WNT7B: variants seen among roughly 807,000 people sequenced by gnomAD.
WNT7B encodes protein Wnt-7b.
WNT7B carries 19 observed loss-of-function variants against 38.2 expected under a neutral mutation model. The observed-to-expected ratio is 0.50, with a 90% CI of 0.35 to 0.73. The LOEUF is 0.73. Ranked by LOEUF, WNT7B falls within the 30% of genes least tolerant of loss-of-function variation. The pLI is 0.01. For missense variants in WNT7B, 423 were observed against 507.9 expected (o/e 0.83, Z 1.61); for synonymous variants, 243 against 209.3 (o/e 1.16, Z -1.39).
At chr22:45,952,673 G>C (rs937206264) in intron 1 of WNT7B, among the ~76,000 whole-genome samples, 1 of 152,232 alleles carries the variant, frequency 6.6e-6, no homozygotes, top group Non-Finnish European at 1.5e-5. Flanking sequence ...CATTATCTGC[G>C]GTAGGTGCCC....
chr22:45,928,223 C>T (rs987932938), intron 3 of WNT7B, among the ~76,000 whole-genome samples: 2 of 152,154 alleles, frequency 1.3e-5, no homozygotes, highest in African/African-American at 4.8e-5. Flanking sequence ...GGGGCAGGGG[C>T]AGGCCTGGTA....
At chr22:45,947,998 A>G (rs891363396) in intron 2 of WNT7B, among the ~76,000 whole-genome samples, 1 of 152,082 alleles carries the variant, frequency 6.6e-6, no homozygotes, top group Admixed American at 6.5e-5. Flanking sequence ...CCCATGTCTC[A>G]TGGTCCCAAA....
intron 1 of WNT7B, among the ~76,000 whole-genome samples, chr22:45,959,819 A>G (rs1218382174): frequency 6.6e-6 from 1 of 152,032 alleles, no homozygotes; most frequent in Non-Finnish European, 1.5e-5. Context: ...CACTGAAAGC[A>G]TTCCCCAGAA....
chr22:45,956,623 G>A (rs1185537494), intron 1 of WNT7B, among the ~76,000 whole-genome samples: 1 of 152,246 alleles, frequency 6.6e-6, no homozygotes, highest in Non-Finnish European at 1.5e-5. Flanking sequence ...ATACGCACAT[G>A]GGTCTATAGC....
Position 45,922,620 on chromosome 22 carries a change from G to A in WNT7B, c.*236C>T. 1 of 619,726 alleles carries A rather than the reference G, an allele frequency of 1.6e-6. No homozygotes were observed. Among genetic ancestry groups the A allele is most frequent in the Non-Finnish European group, 2.7e-6 (1 of 369,352 alleles). The allele number at this position is 619,726 out of a possible 1,614,324, so 38.4% of individuals were successfully genotyped here. ...CAAGACCCCTGGCCTTGCTCTCTGG[G>A]TGGGTCACGGGTGCTGTTCTGCCGC... On this transcript the variant is annotated 3_prime_UTR_variant, in exon 4 of 4. Coordinates refer to ENST00000339464, the MANE Select transcript of WNT7B (RefSeq NM_058238.3).
intron 1 of WNT7B, among the ~76,000 whole-genome samples, chr22:45,974,237 G>C (rs1463042995): frequency 1.3e-5 from 2 of 152,188 alleles, no homozygotes. Flanking sequence ...GGGAGGCTGA[G>C]AGGTTAAAGG....
intron 2 of WNT7B, among the ~76,000 whole-genome samples, chr22:45,932,411 C>G (rs1415681182): frequency 2.1e-5 from 3 of 143,326 alleles, no homozygotes; most frequent in African/African-American, 8.4e-5. Flanking sequence ...AGGCAGCCTT[C>G]CCAGACCCCC....
chr22:45,931,110 C>A lies in WNT7B; in HGVS notation c.558G>T (p.Glu186Asp). The A allele has an allele frequency of 3.2e-6, 5 of 1,580,282 alleles. No individual in the cohort carries two copies. The highest frequency in any genetic ancestry group is 4.3e-6 in the Non-Finnish European group (5 of 1,163,768). The change falls in exon 3 of 4, where the codon GAG (glutamate) becomes GAT (aspartate). Residue 186 changes from glutamate (E) to aspartate (D), a missense_variant. Glu to Asp is a conservative substitution (Grantham distance 45). Around this residue, in one of 3 missense-constraint regions of WNT7B, gnomAD observed 132 missense variants for 113.4 expected, o/e 1.16. Transcript: ENST00000339464. ...ACCCGCACCCTACCTTCCTGCCGGCCTCATTGTTATGCAGGTTCATGAGGC... is the reference window on the plus strand; with the variant it reads ...ACCCGCACCCTACCTTCCTGCCGGCATCATTGTTATGCAGGTTCATGAGGC... Reference protein sequence around the residue: ...ARRLMNLHNNEAGRKVLEDRM... With the variant: ...ARRLMNLHNNDAGRKVLEDRM...
chr22:45,946,194 T>A (rs1223781834), intron 2 of WNT7B, among the ~76,000 whole-genome samples: 2 of 152,128 alleles, frequency 1.3e-5, no homozygotes, highest in Non-Finnish European at 2.9e-5. Flanking sequence ...GCCCTCACCC[T>A]CCAGCCTCTC....
Position 45,951,197 on chromosome 22 carries a change from C to A in WNT7B, c.72-1051G>T, listed in dbSNP as rs1193752614. 2.0e-5 allele frequency among the ~76,000 whole-genome samples: 3 copies of A among 152,186 alleles called. No individual in the cohort carries two copies. The highest frequency in any genetic ancestry group is 7.2e-5 in the African/African-American group (3 of 41,428). ...GGTTCAAGCCATCCTTTTGCCTTAG[C>A]CTCCCGAGTAGCTGTACTACAGTTG... On this transcript the variant is annotated intron_variant, in intron 1 of 3. Coordinates refer to ENST00000339464, the MANE Select transcript of WNT7B (RefSeq NM_058238.3). The surrounding 1 kb of genome is among the most constrained non-coding windows in gnomAD (Gnocchi z 4.8).
Position 45,922,677 on chromosome 22 carries a change from G to A in WNT7B, c.*179C>T. 1 of 1,009,070 alleles carries A rather than the reference G, an allele frequency of 9.9e-7. No individual in the cohort carries two copies. Among genetic ancestry groups the A allele is most frequent in the Non-Finnish European group, 1.4e-6 (1 of 712,812 alleles). 62.5% of individuals were successfully genotyped at this position (1,009,070 alleles called of 1,614,324 possible). ...TGATGGGAGGAGGTGGCAGGAAGGA[G>A]CCCCAGGGAGGCGGGCAGAGGGCGT... On this transcript the variant is annotated 3_prime_UTR_variant, in exon 4 of 4. Transcript: ENST00000339464.
At chr22:45,972,116 G>GGGGGGGCCCCCCCCCCCCCCCCCCC in intron 1 of WNT7B, 2 of 530,744 alleles carry the variant, frequency 3.8e-6, no homozygotes, top group East Asian at 3.7e-5. Flanking sequence ...CCCGGGGGGA[G>GGGGGGGCCCCCCCCCCCCCCCCCCC]CCCACCCGCC....
Position 45,945,627 on chromosome 22 carries a change from G to C in WNT7B, c.298+4293C>G, listed in dbSNP as rs368913454. On this transcript the variant is annotated intron_variant, in intron 2 of 3. Transcript: ENST00000339464. ...AACAAGTGAAGAATCCAGCCCTCGA[G>C]ACCTCGTCCCTGCTGGGGGTCACTG... 1.9e-3 allele frequency among the ~76,000 whole-genome samples: 289 copies of C among 152,358 alleles called. 2 individuals carry two copies. The highest frequency in any genetic ancestry group is 6.9e-3 in the African/African-American group (285 of 41,592).
rs1601711754 is a variant in WNT7B, at chr22:45,922,730, T to C, written c.*126A>G. 7.0e-7 allele frequency: 1 copy of C among 1,427,406 alleles called. No homozygotes were observed. Among genetic ancestry groups the C allele is most frequent in the East Asian group, 2.5e-5 (1 of 40,638 alleles). 88.4% of individuals were successfully genotyped at this position (1,427,406 alleles called of 1,614,324 possible). On this transcript the variant is annotated 3_prime_UTR_variant, in exon 4 of 4. Transcript: ENST00000339464. ...GCCCCGGCCGGTGCCCTCCTGCACC[T>C]GGAGCTCCCCGCTTCTGCACCCGTC...
At position 45,936,573 on chromosome 22, in the gene WNT7B, C is replaced by T. The variant is rs569547360; in HGVS notation, c.299-5204G>A. On this transcript the variant is annotated intron_variant, in intron 2 of 3. Transcript: ENST00000339464. ...GCCATGCAAGGGCCATCCAGCTCTG[C>T]TCCCTTTTCCGTAAGTTATTTGAAC... 2.0e-5 allele frequency among the ~76,000 whole-genome samples: 3 copies of T among 152,374 alleles called. No individual in the cohort carries two copies. In the East Asian group the frequency reaches 5.8e-4, roughly 29 times the overall value.
At chr22:45,927,351 G>C in intron 3 of WNT7B, 1 of 1,474,264 alleles carries the variant, frequency 6.8e-7, no homozygotes, top group Non-Finnish European at 9.0e-7. Flanking sequence ...TCTGGTAGAA[G>C]TGGGGGCAGG....
At position 45,923,242 on chromosome 22, in the gene WNT7B, G is replaced by A. The variant is rs775134985; in HGVS notation, c.664C>T (p.Arg222Ter). The A allele has an allele frequency of 1.9e-6, 3 of 1,613,606 alleles. No individual in the cohort carries two copies. Among genetic ancestry groups the A allele is most frequent in the Admixed American group, 1.7e-5 (1 of 60,026 alleles). ...TCCTTCAGCAGGTGGCCCACCTCTC[G>A]GAACTTGGGCAGCGTGGTCCAGCAG... Reference protein sequence around the residue: ...KTCWTTLPKFREVGHLLKEKY... With the variant: ...KTCWTTLPKF Residue 222 changes from arginine (R) to a stop codon, truncating the protein, a stop_gained, in exon 4 of 4, where the codon CGA (arginine) becomes TGA (stop). Coordinates refer to ENST00000339464, the MANE Select transcript of WNT7B (RefSeq NM_058238.3). LOFTEE classifies it high-confidence loss of function.
intron 1 of WNT7B, among the ~76,000 whole-genome samples, chr22:45,971,145 C>G (rs1038415625): frequency 6.7e-6 from 1 of 148,278 alleles, no homozygotes; most frequent in Non-Finnish European, 1.5e-5. Flanking sequence ...GGACTGCAAC[C>G]GCATGGGGGG....
chr22:45,942,737 G>A (rs537850389), intron 2 of WNT7B, among the ~76,000 whole-genome samples: 3 of 152,360 alleles, frequency 2.0e-5, no homozygotes, highest in African/African-American at 4.8e-5. Flanking sequence ...GGCTCAGGAC[G>A]GGTAGGAACA....
Sources: gnomAD v4.1 joint callset for allele counts (sites outside exome capture counted in the v4.1 genomes callset) on GRCh38, gnomAD v4.1.1 for gene constraint, gnomAD v4.1.1 regional missense constraint, Gnocchi (gnomAD v3.1) non-coding constraint, MANE v1.5 for transcripts, NCBI Gene and HGNC (gene_info 2026-07-23, HGNC 2026-07-21) for gene names.